JMJD1C: variants seen among roughly 807,000 people sequenced by gnomAD.
JMJD1C encodes the protein jumonji domain-containing protein 1C.
A neutral mutation model predicts 245.3 loss-of-function variants in JMJD1C; 31 were observed. The observed-to-expected ratio is 0.13, with a 90% CI of 0.09 to 0.17. JMJD1C has a LOEUF of 0.17. Among genes scored for constraint, JMJD1C ranks in the 10% least tolerant of loss-of-function variants. The probability of loss-of-function intolerance (pLI) is 1.00; values close to 1 mark genes in which losing one functional copy is unlikely to be tolerated. For synonymous variants in JMJD1C, 1,057 were observed against 1,017.4 expected, an observed-to-expected ratio of 1.04 and a Z score of -0.74; for missense variants, 2,691 against 3,000.2, an observed-to-expected ratio of 0.90 and a Z score of 2.41.
At chr10:63,398,234 C>T (rs1044983927) in intron 1 of JMJD1C, among the ~76,000 whole-genome samples, 1 of 151,596 alleles carries the variant, frequency 6.6e-6, no homozygotes, top group Non-Finnish European at 1.5e-5. Flanking sequence ...TTTGATATGA[C>T]TTTTTTTTTC....
intron 2 of JMJD1C, among the ~76,000 whole-genome samples, chr10:63,341,975 A>G (rs2134234281): frequency 6.6e-6 from 1 of 152,322 alleles, no homozygotes; most frequent in Non-Finnish European, 1.5e-5. Flanking sequence ...GATGGTGAAC[A>G]AATGGTGACT....
intron 2 of JMJD1C, among the ~76,000 whole-genome samples, chr10:63,291,963 G>C (rs1403576852): frequency 6.6e-6 from 1 of 151,752 alleles, no homozygotes; most frequent in Non-Finnish European, 1.5e-5. Flanking sequence ...ATGTGTGTGT[G>C]TATTTGAGAC....
At chr10:63,405,210 A>G (rs1439388334) in intron 1 of JMJD1C, among the ~76,000 whole-genome samples, 2 of 152,174 alleles carry the variant, frequency 1.3e-5, no homozygotes, top group Non-Finnish European at 2.9e-5. Context: ...TATGTTTTTC[A>G]GATGAGAACT....
chr10:63,269,473 T>C (rs1370988098), intron 2 of JMJD1C, among the ~76,000 whole-genome samples: 3 of 152,202 alleles, frequency 2.0e-5, no homozygotes, highest in African/African-American at 7.2e-5. Flanking sequence ...GTTTTTGCTT[T>C]CCAGATTTAC....
intron 3 of JMJD1C, among the ~76,000 whole-genome samples, chr10:63,253,170 T>G (rs147480985): frequency 2.0e-3 from 299 of 152,272 alleles, no homozygotes; most frequent in Non-Finnish European, 3.1e-3. Context: ...AATAAGGTAC[T>G]GGAAGTAATC....
At chr10:63,517,786 CTTTTTTTTTT>C (rs11361305) in intron 1 of JMJD1C, among the ~76,000 whole-genome samples, 1 of 72,542 alleles carries the variant, frequency 1.4e-5, no homozygotes, top group Admixed American at 1.6e-4. Context: ...CTAATGGCCA[CTTTTTTTTTT>C]TTTTTTTTTT....
At chr10:63,179,770 T>C (rs1267407492) in intron 22 of JMJD1C, among the ~76,000 whole-genome samples, 1 of 125,408 alleles carries the variant, frequency 8.0e-6, no homozygotes, top group African/African-American at 2.7e-5. Flanking sequence ...AAGGAGACCC[T>C]ATCTTTAAAA....
intron 8 of JMJD1C, among the ~76,000 whole-genome samples, chr10:63,210,180 C>T (rs571424563): frequency 8.5e-5 from 13 of 152,098 alleles, no homozygotes; most frequent in South Asian, 4.1e-4. Flanking sequence ...GTGTCTCAAA[C>T]GGCCTCAGTT....
chr10:63,226,838 A>G (rs1849351313), intron 3 of JMJD1C, among the ~76,000 whole-genome samples: 1 of 151,824 alleles, frequency 6.6e-6, no homozygotes, highest in Non-Finnish European at 1.5e-5. Flanking sequence ...TGGGTGGATC[A>G]CCTGAGGTCA....
chr10:63,311,222 AAAAC>A (rs1939146954), intron 2 of JMJD1C, among the ~76,000 whole-genome samples: 1 of 151,504 alleles, frequency 6.6e-6, no homozygotes, highest in African/African-American at 2.4e-5. Context: ...AAAAAAAAAA[AAAAC>A]AAATTAGCTA....
chr10:63,337,639 A>AAAAGAAAAG (rs1564805006), intron 2 of JMJD1C, among the ~76,000 whole-genome samples: 6 of 98,672 alleles, frequency 6.1e-5, no homozygotes, highest in East Asian at 6.5e-4. Flanking sequence ...GAAAAGAAAA[A>AAAAGAAAAG]AAATCCGCTA....
Position 63,449,578 on chromosome 10 carries a change from T to C in JMJD1C, c.168+15917A>G, listed in dbSNP as rs376799942. On this transcript the variant is annotated intron_variant, in intron 1 of 25. Transcript: ENST00000399262. ...AGTTGTGTCTGAAGAAACAAATGAG[T>C]AAAAGATATGTATTAATGATTCAGG... is the stretch of plus-strand genomic sequence containing the variant. 6.6e-5 allele frequency among the ~76,000 whole-genome samples: 10 copies of C among 151,726 alleles called. 1 individual carries two copies. Among genetic ancestry groups the C allele is most frequent in the African/African-American group, 2.4e-4 (10 of 41,378 alleles).
intron 1 of JMJD1C, among the ~76,000 whole-genome samples, chr10:63,495,034 T>G (rs993768005): frequency 4.6e-5 from 7 of 152,136 alleles, no homozygotes; most frequent in Non-Finnish European, 1.0e-4. Context: ...GTACTTTAAT[T>G]AACAAAGACA....
intron 1 of JMJD1C, among the ~76,000 whole-genome samples, chr10:63,476,452 G>A (rs1953664388): frequency 6.6e-6 from 1 of 151,996 alleles, no homozygotes; most frequent in Admixed American, 6.5e-5. Context: ...TTATAGGCTG[G>A]ACAGAGTAGC....
At chr10:63,229,389 T>C (rs1288848876) in intron 3 of JMJD1C, among the ~76,000 whole-genome samples, 1 of 152,020 alleles carries the variant, frequency 6.6e-6, no homozygotes, top group African/African-American at 2.4e-5. Context: ...GCCTACAGGG[T>C]AGCCCTGCTC....
chr10:63,296,051 G>T (rs1320621815), intron 2 of JMJD1C, among the ~76,000 whole-genome samples: 1 of 140,642 alleles, frequency 7.1e-6, no homozygotes, highest in East Asian at 2.1e-4. Context: ...CACTCTTGTT[G>T]CCCAGGCTGG....
At chr10:63,410,391 A>G (rs1949411440) in intron 1 of JMJD1C, among the ~76,000 whole-genome samples, 1 of 152,234 alleles carries the variant, frequency 6.6e-6, no homozygotes, top group South Asian at 2.1e-4. Context: ...AAAGTTAACA[A>G]AATGTAACAG....
intron 2 of JMJD1C, among the ~76,000 whole-genome samples, chr10:63,344,010 C>T (rs1943598381): frequency 6.6e-6 from 1 of 152,076 alleles, no homozygotes; most frequent in Non-Finnish European, 1.5e-5. Context: ...TACACTCCAG[C>T]CCGGGCAGCA....
chr10:63,236,554 G>A (rs1036496679), intron 3 of JMJD1C, among the ~76,000 whole-genome samples: 3 of 152,278 alleles, frequency 2.0e-5, no homozygotes, highest in Admixed American at 6.5e-5. Context: ...GTCATCATGA[G>A]TTTAACCTAC....
Sources: allele counts gnomAD v4.1 joint callset (sites outside exome capture counted in the v4.1 genomes callset), GRCh38; gene constraint gnomAD v4.1.1; transcripts MANE v1.5; gene names NCBI Gene and HGNC (gene_info 2026-07-23, HGNC 2026-07-21).